ZNF263: variants seen among roughly 807,000 people sequenced by gnomAD.
ZNF263 encodes the protein zinc finger protein 263, also known as zinc finger protein FPM315.
In ZNF263, 49 loss-of-function variants were observed where a neutral mutation model predicts 63.1. The ratio of observed to expected loss-of-function variants is 0.78; its 90% CI spans 0.62 to 0.99. The LOEUF is 0.99. Among genes scored for constraint, ZNF263 ranks in the 50% least tolerant of loss-of-function variants. The pLI is 0.00. For missense variants in ZNF263, 872 were observed against 854.8 expected, an observed-to-expected ratio of 1.02 and a Z score of -0.25; for synonymous variants, 352 against 324.2, an observed-to-expected ratio of 1.09 and a Z score of -0.92.
rs762460909 is a variant in ZNF263 at position 3,289,962 on chromosome 16, G to T, written c.1456G>T (p.Gly486Trp). ...NLHRHQRTHT[G>W]EKPYKCPECG... ...CCACAGGCACCAGAGAACGCACACT[G>T]GGGAGAAGCCCTACAAGTGCCCTGA... The change falls in exon 6 of 6, where the codon GGG becomes TGG. Residue 486 changes from glycine (G) to tryptophan (W), a missense_variant. Coordinates refer to ENST00000219069, the MANE Select transcript of ZNF263 (RefSeq NM_005741.5). 1 of 1,614,174 alleles carries T rather than the reference G, an allele frequency of 6.2e-7. No individual in the cohort carries two copies. Among genetic ancestry groups the T allele is most frequent in the Non-Finnish European group, 8.5e-7 (1 of 1,180,038 alleles).
intron 2 of ZNF263, chr16:3,299,892 G>A: frequency 6.2e-7 from 1 of 1,607,972 alleles, no homozygotes; most frequent in Non-Finnish European, 8.5e-7. Flanking sequence ...ATGTACTTGT[G>A]TCCTCTTTCA....
downstream of ZNF263, among the ~76,000 whole-genome samples, chr16:3,295,153 T>C (rs1959710757): frequency 1.3e-5 from 2 of 152,182 alleles, no homozygotes; most frequent in Non-Finnish European, 2.9e-5. Context: ...AGACGCCTCC[T>C]GCTCCGCATC....
At position 3,284,097 on chromosome 16, in the gene ZNF263, G is replaced by GC; in HGVS notation, c.283dup (p.Gln95ProfsTer70). ...TGTTAGAGCAGTTCCTGACCATCCTGCCCCAGGAGATCCAGAGCAGGGTGC... is the reference window on the plus strand; with the variant it reads ...TGTTAGAGCAGTTCCTGACCATCCTGCCCCCAGGAGATCCAGAGCAGGGTGC... On this transcript the variant is annotated frameshift_variant, in exon 1 of 6. Coordinates refer to ENST00000219069, the MANE Select transcript of ZNF263 (RefSeq NM_005741.5). LOFTEE classifies it high-confidence loss of function. The GC allele has an allele frequency of 6.2e-7, 1 of 1,613,188 alleles. No individual in the cohort carries two copies. The highest frequency in any genetic ancestry group is 8.5e-7 in the Non-Finnish European group (1 of 1,179,442).
At chr16:3,296,181 T>G (rs376736329), downstream of ZNF263, among the ~76,000 whole-genome samples, 50 of 152,368 alleles carry the variant, frequency 3.3e-4, no homozygotes, top group South Asian at 6.0e-3. Context: ...TTCTTGGTTA[T>G]TCAGAGCTGA....
downstream of ZNF263, among the ~76,000 whole-genome samples, chr16:3,292,546 T>C (rs1198770748): frequency 6.6e-6 from 1 of 152,104 alleles, no homozygotes; most frequent in East Asian, 1.9e-4. Flanking sequence ...ATGTCATGAA[T>C]TGGATGGAAT....
At chr16:3,284,254 C>T in intron 1 of ZNF263, 49 bp downstream of exon 1, 2 of 1,462,136 alleles carry the variant, frequency 1.4e-6, no homozygotes, top group Non-Finnish European at 1.8e-6. Context: ...TAGCCCTGAG[C>T]ACTGGGACAT....
At position 3,291,085 on chromosome 16, in the gene ZNF263, A is replaced by G. The variant is rs2150774888; in HGVS notation, c.*527A>G. On this transcript the variant is annotated 3_prime_UTR_variant, in exon 6 of 6. Coordinates refer to ENST00000219069, the MANE Select transcript of ZNF263 (RefSeq NM_005741.5). ...CCAGTTGGGAAGCCATGGGCAGTCC[A>G]GATCAAGCCACCACGTGCCCTACGA... 1.0e-6 allele frequency: 1 copy of G among 990,476 alleles called. No homozygotes were observed. Among genetic ancestry groups the G allele is most frequent in the African/African-American group, 1.7e-5 (1 of 57,388 alleles). The allele number at this position is 990,476 out of a possible 1,614,324, so 61.4% of individuals were successfully genotyped here. A position where few individuals can be genotyped will look rare whatever the true frequency, so the allele number is the denominator to read the frequency against.
At chr16:3,297,997 G>C (rs1036140453) in intron 1 of ZNF263, among the ~76,000 whole-genome samples, 2 of 152,302 alleles carry the variant, frequency 1.3e-5, no homozygotes, top group Non-Finnish European at 2.9e-5. Flanking sequence ...TCAAAATAAT[G>C]GTGGGAATGT....
In ZNF263 at chr16:3,290,187, T is replaced by C; in HGVS notation, c.1681T>C (p.Phe561Leu). The change falls in exon 6 of 6, where the codon TTT becomes CTT. Residue 561 changes from phenylalanine (F) to leucine (L), a missense_variant. By Grantham distance (22) the Phe-to-Leu change is conservative. Coordinates refer to ENST00000219069, the MANE Select transcript of ZNF263 (RefSeq NM_005741.5). Reference protein sequence around the residue: ...CGEAVSDSTPFLTNHGAHKAE... With the variant: ...CGEAVSDSTPLLTNHGAHKAE... The stretch of plus-strand genomic sequence containing the variant: ...GGAAGCTGTGAGTGACAGCACCCCC[T>C]TTCTTACAAACCATGGAGCCCATAA... 1 of 1,614,156 alleles carries C rather than the reference T, an allele frequency of 6.2e-7. No individual in the cohort carries two copies. The highest frequency in any genetic ancestry group is 1.1e-5 in the South Asian group (1 of 91,078).
At chr16:3,297,489 G>A (rs1959788106) in intron 1 of ZNF263, among the ~76,000 whole-genome samples, 1 of 124,288 alleles carries the variant, frequency 8.0e-6, no homozygotes, top group Non-Finnish European at 1.6e-5. Flanking sequence ...TTTTGAGACG[G>A]AGTCTCGCTC....
At position 3,299,917 on chromosome 16, in the gene ZNF263, T is replaced by C. The variant is rs1474889204; in HGVS notation, c.*46+761T>C. ...GTCCTCTTTCACACTTTTGGGCAGT[T>C]TTGATTTTCCAATAATGATTGACTT... On this transcript the variant is annotated intron_variant, in intron 2 of 2. Coordinates refer to the ZNF263 transcript ENST00000574674. 3.1e-6 allele frequency: 5 copies of C among 1,612,066 alleles called. No homozygotes were observed. In the South Asian group the frequency reaches 4.4e-5, roughly 14 times the overall value.
chr16:3,291,935 A>G (rs1959621518), downstream of ZNF263, among the ~76,000 whole-genome samples: 1 of 152,144 alleles, frequency 6.6e-6, no homozygotes, highest in Non-Finnish European at 1.5e-5. Context: ...ATTAAGGGAA[A>G]GCATTATATT....
chr16:3,298,803 TTAAA>T (rs1596377373), intron 1 of ZNF263: 1 of 393,028 alleles, frequency 2.5e-6, no homozygotes, highest in Non-Finnish European at 4.5e-6. Flanking sequence ...AAACACAAAT[TTAAA>T]TAAATTTAAA....
intron 2 of ZNF263, chr16:3,299,414 T>C: frequency 1.3e-6 from 2 of 1,557,112 alleles, no homozygotes; most frequent in South Asian, 1.2e-5. Flanking sequence ...TAAAGAAGAT[T>C]TTCCCATGCA....
Position 3,290,952 on chromosome 16 carries a change from T to C in ZNF263, c.*394T>C. On this transcript the variant is annotated 3_prime_UTR_variant, in exon 6 of 6. Transcript: ENST00000219069. ...TCATTTGGGACATTCAGTAGGAGCA[T>C]TTGGGCTTCCGGGGCCCCTGAGACC... 1 of 1,002,182 alleles carries C rather than the reference T, an allele frequency of 1.0e-6. No homozygotes were observed. The highest frequency in any genetic ancestry group is 1.2e-6 in the Non-Finnish European group (1 of 838,564). The allele number at this position is 1,002,182 out of a possible 1,614,324, so 62.1% of individuals were successfully genotyped here.
Position 3,300,412 on chromosome 16 carries a change from T to C in ZNF263, c.*47-501T>C, listed in dbSNP as rs907469898. On this transcript the variant is annotated intron_variant, in intron 2 of 2. Transcript: ENST00000574674. ...TTTGGCTCCCGTTGTCCTCTTTCTCTTCTCAGCCCCTACTAATGGCATGTC... is the reference window on the plus strand; with the variant it reads ...TTTGGCTCCCGTTGTCCTCTTTCTCCTCTCAGCCCCTACTAATGGCATGTC... 4 of 1,614,118 alleles carry C rather than the reference T, an allele frequency of 2.5e-6. No individual in the cohort carries two copies. In the African/African-American group the frequency reaches 4.0e-5, roughly 16 times the overall value.
In ZNF263 at chr16:3,299,328, C is replaced by T. The variant is rs117016761; in HGVS notation, c.*46+172C>T. 1,371 of 1,595,720 alleles carry T rather than the reference C, an allele frequency of 8.6e-4. 10 individuals carry two copies. In the Admixed American group the frequency reaches 0.016, roughly 18 times the overall value. ...TATCATCATCCAACTTAGTTTCCAA[C>T]TCCCCACATTTTTCAAGAATTTCTC... On this transcript the variant is annotated intron_variant, in intron 2 of 2. Coordinates refer to the ZNF263 transcript ENST00000574674.
Position 3,289,376 on chromosome 16 carries a change from TTC to T in ZNF263, c.887-7_887-6del, listed in dbSNP as rs750681050. 1.4e-5 allele frequency: 21 copies of T among 1,506,376 alleles called. 1 individual carries two copies. The highest frequency in any genetic ancestry group is 1.8e-4 in the Middle Eastern group (1 of 5,582). The allele number at this position is 1,506,376 out of a possible 1,614,324, so 93.3% of individuals were successfully genotyped here. A position where few individuals can be genotyped will look rare whatever the true frequency, so the allele number is the denominator to read the frequency against. On this transcript the variant is annotated splice_polypyrimidine_tract_variant and intron_variant, in intron 5 of 5. Coordinates refer to ENST00000219069, the MANE Select transcript of ZNF263 (RefSeq NM_005741.5). ...CATAGAAATAATGTACGGGTTTGGT[TTC>T]TCTCTCTCTACCAGGAGAAGAGAAA...
rs559381808 is a variant in ZNF263 at position 3,291,192 on chromosome 16, T to C, written c.*634T>C. On this transcript the variant is annotated 3_prime_UTR_variant, in exon 6 of 6. Coordinates refer to ENST00000219069, the MANE Select transcript of ZNF263 (RefSeq NM_005741.5). The stretch of plus-strand genomic sequence containing the variant: ...AAAGGAACCAGAGGCCCAAGGGCAA[T>C]AATAAGGTGGAATTTGCAGGTCAGC... 7.1e-6 allele frequency: 7 copies of C among 985,524 alleles called. No homozygotes were observed. The South Asian group carries it at 2.8e-4, about 40-fold the overall frequency. The allele number at this position is 985,524 out of a possible 1,614,324, so 61.0% of individuals were successfully genotyped here.
Sources: allele counts gnomAD v4.1 joint callset (sites outside exome capture counted in the v4.1 genomes callset), GRCh38; gene constraint gnomAD v4.1.1; transcripts MANE v1.5; gene names NCBI Gene and HGNC (gene_info 2026-07-23, HGNC 2026-07-21).